The following DNAJB11 variants were observed in gnomAD, a reference collection of about 807,000 sequenced individuals.
DNAJB11 encodes the protein dnaJ homolog subfamily B member 11.
A neutral mutation model predicts 47.2 loss-of-function variants in DNAJB11; 30 were observed. The observed-to-expected ratio is 0.64, with a 90% confidence interval of 0.48 to 0.86. The LOEUF is 0.86. Among genes scored for constraint, DNAJB11 ranks in the 40% least tolerant of loss-of-function variants. DNAJB11 has a pLI of 0.00. For missense variants in DNAJB11, 357 were observed against 440.2 expected (o/e 0.81, Z 1.69); for synonymous variants, 151 against 159.9 (o/e 0.94, Z 0.42).
intron 8 of DNAJB11, among the ~76,000 whole-genome samples, chr3:186,584,207 T>C (rs1715592711): frequency 6.6e-6 from 1 of 152,262 alleles, no homozygotes; most frequent in Non-Finnish European, 1.5e-5. Context: ...TAGTTTCTAT[T>C]GACGAAAACC....
intron 2 of DNAJB11, among the ~76,000 whole-genome samples, chr3:186,574,071 C>T (rs138792133): frequency 1.6e-3 from 239 of 152,220 alleles, no homozygotes; most frequent in African/African-American, 5.4e-3. Context: ...AATTAGAATC[C>T]GAGTACAGTT....
At chr3:186,572,607 TTCAA>T (rs1400292888) in intron 2 of DNAJB11, among the ~76,000 whole-genome samples, 2 of 152,222 alleles carry the variant, frequency 1.3e-5, no homozygotes, top group Non-Finnish European at 2.9e-5. Context: ...TGGTCTGTCG[TTCAA>T]TCAGTTTGGG....
At chr3:186,578,496 A>G (rs901012616) in intron 4 of DNAJB11, 2 of 152,230 alleles carry the variant, frequency 1.3e-5, no homozygotes, top group Non-Finnish European at 2.9e-5. Flanking sequence ...ATGCTTCTAC[A>G]TGCAATTTAT....
chr3:186,581,092 A>T lies in DNAJB11; in HGVS notation c.457-279A>T, dbSNP rs1422368414. ...ATTTAGTTGTGGCTTAGAAATGCTGATATCATACACTTTATTTTTCGGTTC... is the reference window on the plus strand; with the variant it reads ...ATTTAGTTGTGGCTTAGAAATGCTGTTATCATACACTTTATTTTTCGGTTC... On this transcript the variant is annotated intron_variant, in intron 4 of 9. Transcript: ENST00000265028. 11 of 314,212 alleles carry T rather than the reference A, an allele frequency of 3.5e-5. No individual in the cohort carries two copies. In the Admixed American group the frequency reaches 4.8e-4, roughly 14 times the overall value. 19.5% of individuals were successfully genotyped at this position (314,212 alleles called of 1,614,324 possible). A position where few individuals can be genotyped will look rare whatever the true frequency, so the allele number is the denominator to read the frequency against.
At position 186,581,910 on chromosome 3, in the gene DNAJB11, A is replaced by G; in HGVS notation, c.600-85A>G. The stretch of plus-strand genomic sequence containing the variant: ...TACAGTCTTCCAAGAAAAAGCTCTG[A>G]TAAAATAGGTATAACTTTATCTATA... On this transcript the variant is annotated intron_variant, in intron 5 of 9. Coordinates refer to ENST00000265028, the MANE Select transcript of DNAJB11 (RefSeq NM_016306.6). The G allele has an allele frequency of 2.6e-6, 3 of 1,160,420 alleles. 1 individual carries two copies. In the South Asian group the frequency reaches 4.3e-5, roughly 17 times the overall value. 71.9% of individuals were successfully genotyped at this position (1,160,420 alleles called of 1,614,324 possible).
At chr3:186,574,809 C>G (rs1418791297) in intron 2 of DNAJB11, among the ~76,000 whole-genome samples, 1 of 152,156 alleles carries the variant, frequency 6.6e-6, no homozygotes, top group South Asian at 2.1e-4. Flanking sequence ...TACTTTGAAC[C>G]TCTCTTTTTC....
chr3:186,584,395 G>C, intron 8 of DNAJB11, 35 bp from the exon 9 acceptor site: 1 of 1,509,180 alleles, frequency 6.6e-7, no homozygotes, highest in Non-Finnish European at 8.8e-7. Context: ...CAGATGTACC[G>C]CTCCTGCTGC....
intron 4 of DNAJB11, chr3:186,579,185 T>A (rs1184669400): frequency 6.6e-6 from 1 of 152,264 alleles, no homozygotes; most frequent in Non-Finnish European, 1.5e-5. Context: ...ATTCATCTTT[T>A]TTAAATTCTG....
rs1715478984 is a variant in DNAJB11 at position 186,581,401 on chromosome 3, G to C, written c.487G>C (p.Ala163Pro). The change falls in exon 5 of 10, where the codon GCT becomes CCT. Residue 163 changes from alanine (A) to proline (P), a missense_variant. Ala to Pro is a conservative substitution (Grantham distance 27, BLOSUM62 -1). Transcript: ENST00000265028. ...TAGAAACAAACCTGTGGCAAGGCAGGCTCCTGGCAAACGGAAGTGCAATTG... is the reference window on the plus strand; with the variant it reads ...TAGAAACAAACCTGTGGCAAGGCAGCCTCCTGGCAAACGGAAGTGCAATTG... ...VVRNKPVARQAPGKRKCNCRQ... is the reference protein window; with the variant it reads ...VVRNKPVARQPPGKRKCNCRQ... The C allele has an allele frequency of 1.2e-6, 2 of 1,613,852 alleles. No homozygotes were observed. Among genetic ancestry groups the C allele is most frequent in the Non-Finnish European group, 1.7e-6 (2 of 1,179,960 alleles).
At chr3:186,581,959 A>G in intron 5 of DNAJB11, 36 bp from the exon 6 acceptor site, 2 of 1,524,386 alleles carry the variant, frequency 1.3e-6, no homozygotes, top group Non-Finnish European at 9.0e-7. Flanking sequence ...TTATATTTTC[A>G]TTATTTTTCT....
intron 3 of DNAJB11, 83 bp downstream of exon 3, chr3:186,576,020 T>G (rs1715279384): frequency 9.8e-7 from 1 of 1,024,764 alleles, no homozygotes. Context: ...ATTCCCTAGT[T>G]CAGAAACTTT....
At chr3:186,585,303 A>T in intron 9 of DNAJB11, 41 bp from the exon 10 acceptor site, 1 of 1,552,816 alleles carries the variant, frequency 6.4e-7, no homozygotes. Context: ...GGAAAGTAAC[A>T]TTTTTTTGTT....
chr3:186,574,893 C>T (rs1211538827), intron 2 of DNAJB11, among the ~76,000 whole-genome samples: 1 of 152,060 alleles, frequency 6.6e-6, no homozygotes, highest in Non-Finnish European at 1.5e-5. Flanking sequence ...TTATAAATAT[C>T]AAAGGAAGAT....
chr3:186,573,520 G>GGACT (rs1715160806), intron 2 of DNAJB11, among the ~76,000 whole-genome samples: 1 of 152,056 alleles, frequency 6.6e-6, no homozygotes, highest in Admixed American at 6.6e-5. Context: ...TGAGTAGCTG[G>GGACT]GACTACAGCT....
chr3:186,579,916 T>C (rs1406754986), intron 4 of DNAJB11: 2 of 152,242 alleles, frequency 1.3e-5, no homozygotes, highest in African/African-American at 2.4e-5. Flanking sequence ...GCCGGTAGCC[T>C]GTGCATATGT....
rs868286447 is a variant in DNAJB11 at position 186,575,374 on chromosome 3, T to C, written c.226-466T>C. On this transcript the variant is annotated intron_variant, in intron 2 of 9. Coordinates refer to ENST00000265028, the MANE Select transcript of DNAJB11 (RefSeq NM_016306.6). ...ATACATGCGCGCGCGCGCGCGTGTG[T>C]GTGTGTGTGTGTGTGTGTCTGTGTG... Among the ~76,000 whole-genome samples the C allele has an allele frequency of 4.1e-3, 592 of 144,972 alleles. 1 individual carries two copies. Among genetic ancestry groups the C allele is most frequent in the African/African-American group, 5.2e-3 (201 of 38,464 alleles).
intron 5 of DNAJB11, among the ~76,000 whole-genome samples, 195 bp downstream of exon 5, chr3:186,581,708 C>T (rs1715491675): frequency 6.6e-6 from 1 of 151,866 alleles, no homozygotes; most frequent in Non-Finnish European, 1.5e-5. Flanking sequence ...TCTGAACTAA[C>T]AAGCAGTGCC....
Position 186,581,493 on chromosome 3 carries a change from C to T in DNAJB11, c.579C>T (p.Cys193=), listed in dbSNP as rs759619633. Residue 193 remains cysteine (C), a synonymous_variant, in exon 5 of 10, where the codon TGC becomes TGT. Transcript: ENST00000265028. The stretch of plus-strand genomic sequence containing the variant: ...TCCAAATGACCCAGGAGGTGGTCTG[C>T]GACGAATGCCCTAATGTCAAGTAAG... ...GRFQMTQEVV[C]DECPNVKLVN... is the part of the protein sequence containing the mutation. 1.2e-5 allele frequency: 19 copies of T among 1,612,808 alleles called. No homozygotes were observed. The Admixed American group carries it at 2.2e-4, about 18-fold the overall frequency.
chr3:186,581,612 C>A, intron 5 of DNAJB11, 99 bp downstream of exon 5: 1 of 1,337,846 alleles, frequency 7.5e-7, no homozygotes, highest in African/African-American at 1.5e-5. Flanking sequence ...TCTCTGTCCC[C>A]TCCCCACTGC....
Sources: allele counts gnomAD v4.1 joint callset (sites outside exome capture counted in the v4.1 genomes callset), GRCh38; gene constraint gnomAD v4.1.1; transcripts MANE v1.5; gene names NCBI Gene and HGNC (gene_info 2026-07-23, HGNC 2026-07-21).